UBN2: variants seen among roughly 807,000 people sequenced by gnomAD.
UBN2 encodes ubinuclein-2.
Under a neutral mutation model 120.2 loss-of-function variants are expected in UBN2, and 35 were observed. The ratio of observed to expected loss-of-function variants is 0.29; its 90% CI spans 0.22 to 0.39. The LOEUF (loss-of-function observed/expected upper bound fraction) is 0.39, where lower values mean the gene tolerates loss of function less well. Among genes scored for constraint, UBN2 ranks in the 10% least tolerant of loss-of-function variants. UBN2 has a pLI of 1.00. For missense variants in UBN2, 1,693 were observed against 1,663.2 expected (o/e 1.02, Z -0.31); for synonymous variants, 661 against 648.7 (o/e 1.02, Z -0.29).
At chr7:139,249,039 C>CATGT (rs1347238429) in intron 2 of UBN2, among the ~76,000 whole-genome samples, 1 of 140,142 alleles carries the variant, frequency 7.1e-6, no homozygotes, top group Non-Finnish European at 1.5e-5. Context: ...TGTGTGTATG[C>CATGT]ATGTATGCAT....
intron 2 of UBN2, among the ~76,000 whole-genome samples, chr7:139,244,058 A>G (rs1481375824): frequency 6.6e-6 from 1 of 152,170 alleles, no homozygotes; most frequent in Non-Finnish European, 1.5e-5. Flanking sequence ...CTAATGATAG[A>G]AAGTAAATCT....
chr7:139,291,307 G>A (rs939797584), intron 15 of UBN2, among the ~76,000 whole-genome samples: 4 of 138,760 alleles, frequency 2.9e-5, no homozygotes, highest in Non-Finnish European at 4.5e-5. Flanking sequence ...GTTGCAGTGA[G>A]CCAAGATCGC....
chr7:139,272,596 G>A (rs970222234), intron 9 of UBN2, among the ~76,000 whole-genome samples, 156 bp downstream of exon 9: 4 of 151,974 alleles, frequency 2.6e-5, no homozygotes, highest in African/African-American at 7.3e-5. Context: ...GTACGATTTC[G>A]GCTCAGTACA....
At chr7:139,270,353 C>T (rs903961323) in intron 8 of UBN2, among the ~76,000 whole-genome samples, 4 of 151,298 alleles carry the variant, frequency 2.6e-5, no homozygotes, top group Non-Finnish European at 5.9e-5. Flanking sequence ...ACTGCAACCA[C>T]CATCTCCCAG....
chr7:139,256,546 G>A (rs566488536), intron 3 of UBN2, among the ~76,000 whole-genome samples: 171 of 152,190 alleles, frequency 1.1e-3, no homozygotes, highest in African/African-American at 3.9e-3. Context: ...CCTCACAAGG[G>A]TATCATGAGG....
chr7:139,294,293 A>G (rs573202249), intron 17 of UBN2, among the ~76,000 whole-genome samples: 38 of 152,350 alleles, frequency 2.5e-4, no homozygotes, highest in African/African-American at 7.9e-4. Context: ...TTGAAAGCTT[A>G]CTAAATGCCC....
At chr7:139,287,669 CTTT>C (rs60585708) in intron 15 of UBN2, among the ~76,000 whole-genome samples, 1 of 138,812 alleles carries the variant, frequency 7.2e-6, no homozygotes. Context: ...CATATCTGAT[CTTT>C]TTTTTTTTTT....
intron 6 of UBN2, among the ~76,000 whole-genome samples, chr7:139,262,181 C>T (rs1796957945): frequency 1.3e-5 from 2 of 152,194 alleles, no homozygotes; most frequent in South Asian, 2.1e-4. Flanking sequence ...CTCACTGCAA[C>T]TTCTGCCTAT....
intron 15 of UBN2, among the ~76,000 whole-genome samples, chr7:139,290,872 G>C (rs886776776): frequency 6.6e-6 from 1 of 152,184 alleles, no homozygotes; most frequent in Non-Finnish European, 1.5e-5. Flanking sequence ...TATGTGGCAT[G>C]TGTGTGTGGA....
chr7:139,234,097 A>G (rs1342307352), intron 1 of UBN2, among the ~76,000 whole-genome samples: 5 of 152,170 alleles, frequency 3.3e-5, no homozygotes, highest in African/African-American at 1.2e-4. Flanking sequence ...TAAAATTGTC[A>G]TGGTTTCATG....
At chr7:139,265,297 T>G (rs1385338383) in intron 6 of UBN2, among the ~76,000 whole-genome samples, 1 of 151,886 alleles carries the variant, frequency 6.6e-6, no homozygotes, top group Non-Finnish European at 1.5e-5. Flanking sequence ...GCTAACACGA[T>G]GAAATCCCGT....
intron 7 of UBN2, 127 bp from the exon 8 acceptor site, chr7:139,269,267 G>A (rs1190064203): frequency 1.1e-6 from 1 of 878,826 alleles, no homozygotes; most frequent in Non-Finnish European, 1.7e-6. Flanking sequence ...TTTTTTCCAT[G>A]AAGAATACTG....
At chr7:139,261,880 C>T in intron 6 of UBN2, 139 bp downstream of exon 6, 1 of 876,024 alleles carries the variant, frequency 1.1e-6, no homozygotes. Flanking sequence ...AAACTACAAT[C>T]TGAACATTTT....
intron 15 of UBN2, among the ~76,000 whole-genome samples, chr7:139,285,353 T>A (rs1048441143): frequency 6.6e-6 from 1 of 152,056 alleles, no homozygotes; most frequent in Admixed American, 6.5e-5. Flanking sequence ...AAAAAAAGGG[T>A]AGCATAAATG....
At chr7:139,297,243 C>T (rs1456905611) in intron 17 of UBN2, among the ~76,000 whole-genome samples, 2 of 151,798 alleles carry the variant, frequency 1.3e-5, no homozygotes, top group African/African-American at 2.4e-5. Flanking sequence ...GCAGACTTTC[C>T]TGTCACTTAA....
At chr7:139,278,622 A>T (rs1207389638) in intron 12 of UBN2, among the ~76,000 whole-genome samples, 1 of 152,140 alleles carries the variant, frequency 6.6e-6, no homozygotes, top group Non-Finnish European at 1.5e-5. Context: ...CTTCATAAAA[A>T]AAAAAAACAT....
At position 139,293,901 on chromosome 7, in the gene UBN2, G is replaced by A; in HGVS notation, c.3914G>A (p.Gly1305Asp). 6.2e-7 allele frequency: 1 copy of A among 1,614,024 alleles called. No individual in the cohort carries two copies. Among genetic ancestry groups the A allele is most frequent in the Non-Finnish European group, 8.5e-7 (1 of 1,179,972 alleles). ...GTTTTCCTCTCAGATTTACTAAAGG[G>A]TTTACAGCCAGGAGGAGCTCAGCAT... The part of the protein sequence containing the change: ...HHSLTQNLLK[G>D]LQPGGAQHAA... The change falls in exon 17 of 18, where the codon GGT (glycine) becomes GAT (aspartate). Residue 1305 changes from glycine to aspartate, a missense_variant. By Grantham distance (94) the Gly-to-Asp change is moderately conservative. Transcript: ENST00000473989.
At chr7:139,254,644 C>T (rs566901499) in intron 3 of UBN2, among the ~76,000 whole-genome samples, 1 of 152,290 alleles carries the variant, frequency 6.6e-6, no homozygotes, top group East Asian at 1.9e-4. Flanking sequence ...GCTGAAGAAA[C>T]ATGAAGCAAG....
the UBN2 span, among the ~76,000 whole-genome samples, chr7:139,321,877 C>T: frequency 9.2e-5 from 14 of 152,242 alleles, no homozygotes; most frequent in Non-Finnish European, 1.6e-4. Flanking sequence ...TGACACTGAC[C>T]GTGACCCCAC....
Sources: gnomAD v4.1 joint callset for allele counts (sites outside exome capture counted in the v4.1 genomes callset) on GRCh38, gnomAD v4.1.1 for gene constraint, MANE v1.5 for transcripts, NCBI Gene and HGNC (gene_info 2026-07-23, HGNC 2026-07-21) for gene names.